The following PIP4K2A variants were observed in gnomAD, a reference collection of about 807,000 sequenced individuals.
PIP4K2A encodes phosphatidylinositol 5-phosphate 4-kinase type-2 alpha.
PIP4K2A carries 14 observed loss-of-function variants against 42.9 expected under a neutral mutation model. The observed-to-expected ratio is 0.33, with a 90% CI of 0.22 to 0.51. PIP4K2A has a LOEUF of 0.51. Ranked by LOEUF, PIP4K2A falls within the 20% of genes least tolerant of loss-of-function variation. The pLI, the probability that PIP4K2A is intolerant of heterozygous loss-of-function variation, is 0.97. For synonymous variants in PIP4K2A, 192 were observed against 192.2 expected (o/e 1.00, Z 0.01); for missense variants, 434 against 519.8 (o/e 0.83, Z 1.61).
rs895150085 is a variant in PIP4K2A, at chr10:22,535,989, T to C, written c.*1212A>G. Reference sequence around the variant, plus strand: ...CATGGCTGCAGGATACGTCTCAAAATATGACAAACGTTATTTCACCTATAC... The same window carrying C: ...CATGGCTGCAGGATACGTCTCAAAACATGACAAACGTTATTTCACCTATAC... On this transcript the variant is annotated 3_prime_UTR_variant, in exon 10 of 10. Transcript: ENST00000376573. 2 of 396,794 alleles carry C rather than the reference T, an allele frequency of 5.0e-6. No homozygotes were observed. Among genetic ancestry groups the C allele is most frequent in the African/African-American group, 4.1e-5 (2 of 48,616 alleles). 24.6% of individuals were successfully genotyped at this position (396,794 alleles called of 1,614,324 possible). A position where few individuals can be genotyped will look rare whatever the true frequency, so the allele number is the denominator to read the frequency against.
At chr10:22,546,098 C>G (rs966750790) in intron 7 of PIP4K2A, among the ~76,000 whole-genome samples, 1 of 152,192 alleles carries the variant, frequency 6.6e-6, no homozygotes, top group Non-Finnish European at 1.5e-5. Flanking sequence ...AACAAAGAGT[C>G]TGATTTGGTC....
At chr10:22,566,115 G>A (rs990916140) in intron 6 of PIP4K2A, among the ~76,000 whole-genome samples, 3 of 152,126 alleles carry the variant, frequency 2.0e-5, no homozygotes, top group Non-Finnish European at 4.4e-5. Context: ...AGTACTTGAT[G>A]TCTGTTACTC....
At chr10:22,661,884 T>C (rs951338099) in intron 1 of PIP4K2A, 2 of 152,194 alleles carry the variant, frequency 1.3e-5, no homozygotes, top group Non-Finnish European at 2.9e-5. Context: ...GGCTGAAAAT[T>C]AGAAAACAAG....
At chr10:22,537,713 G>T (rs1835973397) in intron 9 of PIP4K2A, among the ~76,000 whole-genome samples, 2 of 152,310 alleles carry the variant, frequency 1.3e-5, no homozygotes, top group South Asian at 4.1e-4. Flanking sequence ...TAATGACGAT[G>T]ACTTAAAACC....
chr10:22,670,820 G>A (rs1366894357), intron 1 of PIP4K2A, among the ~76,000 whole-genome samples: 2 of 152,112 alleles, frequency 1.3e-5, no homozygotes, highest in Non-Finnish European at 2.9e-5. Flanking sequence ...TCCTGCTATG[G>A]ACAGTAACGT....
intron 6 of PIP4K2A, among the ~76,000 whole-genome samples, chr10:22,552,963 ATGTG>A (rs1045060981): frequency 2.7e-4 from 41 of 152,286 alleles, no homozygotes; most frequent in African/African-American, 7.9e-4. Context: ...TACATGCTGG[ATGTG>A]TGTTTGTAAC....
chr10:22,619,753 G>A (rs1838277745), intron 1 of PIP4K2A, among the ~76,000 whole-genome samples: 2 of 152,152 alleles, frequency 1.3e-5, no homozygotes. Flanking sequence ...CATTTTCTAA[G>A]ACCATTTCTC....
In PIP4K2A at chr10:22,611,415, C is replaced by CA. The variant is rs76572163; in HGVS notation, c.145-1699dup. ...TTAAACAAAAAACAAACAACAACAA[C>CA]AAAAAAAAAACAAAAAAAAGCAGAA... On this transcript the variant is annotated intron_variant, in intron 1 of 9. Transcript: ENST00000376573. 6.2e-4 allele frequency among the ~76,000 whole-genome samples: 40 copies of CA among 64,242 alleles called. No individual in the cohort carries two copies. The South Asian group carries it at 0.013, about 21-fold the overall frequency. The allele number at this position is 64,242 out of a possible 152,430, so 42.1% of individuals were successfully genotyped here. A position where few individuals can be genotyped will look rare whatever the true frequency, so the allele number is the denominator to read the frequency against.
intron 1 of PIP4K2A, among the ~76,000 whole-genome samples, chr10:22,695,167 C>T (rs1261675201): frequency 6.6e-6 from 1 of 152,190 alleles, no homozygotes; most frequent in Non-Finnish European, 1.5e-5. Flanking sequence ...AAATCCACTA[C>T]ACACTAATGA....
chr10:22,713,974 C>A, intron 1 of PIP4K2A: 1 of 506,560 alleles, frequency 2.0e-6, no homozygotes, highest in Non-Finnish European at 3.5e-6. Flanking sequence ...GGCCATAGAT[C>A]TAAAGGGGAC....
intron 1 of PIP4K2A, among the ~76,000 whole-genome samples, chr10:22,639,154 T>A (rs1373356503): frequency 6.6e-6 from 1 of 151,926 alleles, no homozygotes; most frequent in Non-Finnish European, 1.5e-5. Context: ...ATCAAAGACA[T>A]CAGAAAAAAA....
chr10:22,685,141 GTATT>G (rs1314603572), intron 1 of PIP4K2A, among the ~76,000 whole-genome samples: 2 of 151,998 alleles, frequency 1.3e-5, no homozygotes, highest in African/African-American at 2.4e-5. Context: ...CTTGAATTGA[GTATT>G]TAAAGTTATG....
chr10:22,714,165 C>T lies in PIP4K2A; in HGVS notation c.144+18G>A. 6.3e-7 allele frequency: 1 copy of T among 1,597,528 alleles called. No homozygotes were observed. Among genetic ancestry groups the T allele is most frequent in the South Asian group, 1.1e-5 (1 of 89,810 alleles). The stretch of plus-strand genomic sequence containing the variant: ...GGAGGAGGAGGAAGGGGACCGCGCG[C>T]CGCAGCTGAGCCCTTACCGAGTGGT... On this transcript the variant is annotated intron_variant, in intron 1 of 9. Coordinates refer to ENST00000376573, the MANE Select transcript of PIP4K2A (RefSeq NM_005028.5).
intron 1 of PIP4K2A, among the ~76,000 whole-genome samples, chr10:22,613,767 C>G (rs1838108326): frequency 6.6e-6 from 1 of 152,162 alleles, no homozygotes; most frequent in East Asian, 1.9e-4. Context: ...ATTCCTCATT[C>G]TGGCAGAGCT....
intron 1 of PIP4K2A, among the ~76,000 whole-genome samples, chr10:22,711,218 A>T (rs1833906257): frequency 6.6e-6 from 1 of 152,152 alleles, no homozygotes; most frequent in Admixed American, 6.5e-5. Context: ...CCAAATCAAG[A>T]TTTTCATTAC....
At chr10:22,610,809 C>G (rs1347468434) in intron 1 of PIP4K2A, among the ~76,000 whole-genome samples, 1 of 152,162 alleles carries the variant, frequency 6.6e-6, no homozygotes, top group Non-Finnish European at 1.5e-5. Context: ...TTGAAGGAAG[C>G]CTTTGAAAGT....
At chr10:22,615,788 G>A (rs1307014654) in intron 1 of PIP4K2A, among the ~76,000 whole-genome samples, 2 of 152,182 alleles carry the variant, frequency 1.3e-5, no homozygotes, top group Non-Finnish European at 2.9e-5. Flanking sequence ...CTTAATGGTT[G>A]TCAATCCCCT....
chr10:22,563,240 A>G (rs530700890), intron 6 of PIP4K2A, among the ~76,000 whole-genome samples: 1 of 152,358 alleles, frequency 6.6e-6, no homozygotes, highest in East Asian at 1.9e-4. Flanking sequence ...AAGAGTTATT[A>G]GAAACCTCAA....
At chr10:22,697,480 C>A (rs1164758510) in intron 1 of PIP4K2A, among the ~76,000 whole-genome samples, 1 of 152,088 alleles carries the variant, frequency 6.6e-6, no homozygotes, top group African/African-American at 2.4e-5. Context: ...CTTTAGGAGG[C>A]CGAGGCAGAA....
Sources: gnomAD v4.1 joint callset for allele counts (sites outside exome capture counted in the v4.1 genomes callset) on GRCh38, gnomAD v4.1.1 for gene constraint, MANE v1.5 for transcripts, NCBI Gene and HGNC (gene_info 2026-07-23, HGNC 2026-07-21) for gene names.